IRX2: variants seen among roughly 807,000 people sequenced by gnomAD.
The protein encoded by IRX2 is iroquois homeobox 2, also known as iroquois-class homeodomain protein IRX-2.
A neutral mutation model predicts 42.9 loss-of-function variants in IRX2; 26 were observed. The observed-to-expected ratio is 0.61, with a 90% CI of 0.44 to 0.84. IRX2 has a LOEUF of 0.84. Ranked by LOEUF, IRX2 falls within the 40% of genes least tolerant of loss-of-function variation. The pLI, the probability that IRX2 is intolerant of heterozygous loss-of-function variation, is 0.00. For missense variants in IRX2, 782 were observed against 713.9 expected, an observed-to-expected ratio of 1.10 and a Z score of -1.09; for synonymous variants, 424 against 353.9, an observed-to-expected ratio of 1.20 and a Z score of -2.22.
chr5:2,750,037 C>A (rs1430321618), intron 1 of IRX2, among the ~76,000 whole-genome samples: 1 of 152,184 alleles, frequency 6.6e-6, no homozygotes, highest in Non-Finnish European at 1.5e-5. Context: ...ACCCATCTTC[C>A]CCTAAGTGTT....
chr5:2,744,577 C>A (rs1298077623), downstream of IRX2, among the ~76,000 whole-genome samples: 1 of 152,182 alleles, frequency 6.6e-6, no homozygotes, highest in Non-Finnish European at 1.5e-5. Flanking sequence ...CAAATATACT[C>A]AATCCCCCTT....
Position 2,749,257 on chromosome 5 carries a change from T to C in IRX2, c.655+125A>G. The C allele has an allele frequency of 2.1e-6, 3 of 1,443,318 alleles. No homozygotes were observed. The Admixed American group carries it at 7.5e-5, about 36-fold the overall frequency. The allele number at this position is 1,443,318 out of a possible 1,614,324, so 89.4% of individuals were successfully genotyped here. A position where few individuals can be genotyped will look rare whatever the true frequency, so the allele number is the denominator to read the frequency against. ...AAATCCCGGCGACCCCAGGGCAATG[T>C]GGTGCGGCTGGGGCTCCGGCCCGGA... On this transcript the variant is annotated intron_variant, in intron 2 of 3. Coordinates refer to ENST00000302057, the MANE Select transcript of IRX2 (RefSeq NM_033267.5).
chr5:2,739,962 T>A, the IRX2 span, among the ~76,000 whole-genome samples: 2 of 148,626 alleles, frequency 1.3e-5, no homozygotes, highest in Non-Finnish European at 3.0e-5. Flanking sequence ...GAGCTGGGGG[T>A]GCCAGGAGCG....
chr5:2,743,905 C>G (rs1445877619), downstream of IRX2, among the ~76,000 whole-genome samples: 1 of 152,142 alleles, frequency 6.6e-6, no homozygotes, highest in African/African-American at 2.4e-5. Flanking sequence ...AAATCAAGTT[C>G]TCTAGAAGGA....
At chr5:2,744,815 G>T (rs184475398), downstream of IRX2, among the ~76,000 whole-genome samples, 255 of 152,272 alleles carry the variant, frequency 1.7e-3, no homozygotes, top group African/African-American at 5.6e-3. Flanking sequence ...AAATACATAA[G>T]AAATAACAGA....
At position 2,748,459 on chromosome 5, in the gene IRX2, G is replaced by C; in HGVS notation, c.1249C>G (p.Pro417Ala). The change falls in exon 3 of 4, where the codon CCC (proline) becomes GCC (alanine). Residue 417 changes from proline to alanine, a missense_variant. Coordinates refer to ENST00000302057, the MANE Select transcript of IRX2 (RefSeq NM_033267.5). ...GGCGCGGTGTGCAGGGCCTCGCCGGGGGCCGCGGCCGCAGAGTTGTACCGC... is the reference window on the plus strand; with the variant it reads ...GGCGCGGTGTGCAGGGCCTCGCCGGCGGCCGCGGCCGCAGAGTTGTACCGC... ...LLRYNSAAAA[P>A]GEALHTAPKA... The C allele has an allele frequency of 6.4e-7, 1 of 1,570,142 alleles. No homozygotes were observed. Among genetic ancestry groups the C allele is most frequent in the Non-Finnish European group, 8.6e-7 (1 of 1,161,934 alleles).
At chr5:2,740,911 G>A (rs1295321019), downstream of IRX2, among the ~76,000 whole-genome samples, 1 of 152,098 alleles carries the variant, frequency 6.6e-6, no homozygotes, top group African/African-American at 2.4e-5. Context: ...CGAGCTTACT[G>A]AGCACCCGGC....
At position 2,751,351 on chromosome 5, in the gene IRX2, CG is replaced by C; in HGVS notation, c.62del (p.Pro21ArgfsTer74). 1 of 1,438,610 alleles carries C rather than the reference CG, an allele frequency of 7.0e-7. No individual in the cohort carries two copies. The allele number at this position is 1,438,610 out of a possible 1,614,324, so 89.1% of individuals were successfully genotyped here. A position where few individuals can be genotyped will look rare whatever the true frequency, so the allele number is the denominator to read the frequency against. On this transcript the variant is annotated frameshift_variant, in exon 1 of 4. Transcript: ENST00000302057. LOFTEE classifies it high-confidence loss of function. This position sits in a 1 kb window ranked among gnomAD's most constrained non-coding sequence, Gnocchi z 4.0. The part of the protein sequence containing the change: ...APGSLALYSC[P>X]AYGASALAAP... ...CCGCCAAAGCCGACGCGCCGTAGGCCGGGCACGAGTAGAGCGCCAGCGAGCC... is the reference window on the plus strand; with the variant it reads ...CCGCCAAAGCCGACGCGCCGTAGGCCGGCACGAGTAGAGCGCCAGCGAGCC...
At chr5:2,738,358 G>A in the IRX2 span, among the ~76,000 whole-genome samples, 1 of 152,206 alleles carries the variant, frequency 6.6e-6, no homozygotes, top group Admixed American at 6.5e-5. Context: ...TTGAGGAGTT[G>A]AGTATTACAT....
At chr5:2,744,508 G>C (rs979993496), downstream of IRX2, among the ~76,000 whole-genome samples, 14 of 152,078 alleles carry the variant, frequency 9.2e-5, no homozygotes, top group Non-Finnish European at 2.9e-5. Context: ...TTCCTGAAGG[G>C]GAAAATCATT....
rs541842586 is a variant in IRX2 at position 2,751,053 on chromosome 5, G to T, written c.249+112C>A. 1.7e-4 allele frequency: 200 copies of T among 1,149,114 alleles called. 2 individuals are homozygous for T. The Middle Eastern group carries it at 7.4e-3, about 42-fold the overall frequency. The allele number at this position is 1,149,114 out of a possible 1,614,324, so 71.2% of individuals were successfully genotyped here. On this transcript the variant is annotated intron_variant, in intron 1 of 3. Coordinates refer to ENST00000302057, the MANE Select transcript of IRX2 (RefSeq NM_033267.5). The surrounding 1 kb of genome is among the most constrained non-coding windows in gnomAD (Gnocchi z 4.0). Reference sequence around the variant, plus strand: ...CGAGCCGGCGACTCCTGAGTCGCCAGCCGCGCCACATTCCCGGCGGCCCCC... The same window carrying T: ...CGAGCCGGCGACTCCTGAGTCGCCATCCGCGCCACATTCCCGGCGGCCCCC...
Position 2,749,289 on chromosome 5 carries a change from G to A in IRX2, c.655+93C>T, listed in dbSNP as rs1445598234. On this transcript the variant is annotated intron_variant, in intron 2 of 3. Coordinates refer to ENST00000302057, the MANE Select transcript of IRX2 (RefSeq NM_033267.5). Reference sequence around the variant, plus strand: ...GCTGGGGCTCCGGCCCGGACCTGGGGTGTCCGGCGGGCAACGTCCTCCCCG... The same window carrying A: ...GCTGGGGCTCCGGCCCGGACCTGGGATGTCCGGCGGGCAACGTCCTCCCCG... 6 of 1,496,516 alleles carry A rather than the reference G, an allele frequency of 4.0e-6. No homozygotes were observed. In the East Asian group the frequency reaches 1.2e-4, roughly 29 times the overall value. The allele number at this position is 1,496,516 out of a possible 1,614,324, so 92.7% of individuals were successfully genotyped here.
the IRX2 span, among the ~76,000 whole-genome samples, chr5:2,736,081 C>T: frequency 3.9e-5 from 6 of 152,192 alleles, no homozygotes; most frequent in Non-Finnish European, 8.8e-5. Context: ...TATCAGCCCA[C>T]GCCATGGGTT....
chr5:2,749,658 CCGTGGCGTCCCG>C lies in IRX2; in HGVS notation c.367_378del (p.Arg123_Thr126del), dbSNP rs1375648232. ...TCGTTGAGCCAGGCCTTGAGAGTGG[CCGTGGCGTCCCG>C]CGTGGCGTTCTTGCGGTACGCGGGG... On this transcript the variant is annotated inframe_deletion, in exon 2 of 4. Transcript: ENST00000302057. The C allele has an allele frequency of 6.2e-7, 1 of 1,614,182 alleles. No individual in the cohort carries two copies. The highest frequency in any genetic ancestry group is 8.5e-7 in the Non-Finnish European group (1 of 1,180,010).
chr5:2,750,241 G>T (rs1737890300), intron 1 of IRX2, among the ~76,000 whole-genome samples: 2 of 152,064 alleles, frequency 1.3e-5, no homozygotes, highest in African/African-American at 4.8e-5. Flanking sequence ...TCTAAAGCTG[G>T]GCAAATCCAA....
chr5:2,749,107 G>GC, intron 2 of IRX2, 55 bp from the exon 3 acceptor site: 1 of 1,558,804 alleles, frequency 6.4e-7, no homozygotes, highest in South Asian at 1.1e-5. Context: ...GGCACCTGGA[G>GC]CCCCCTCCGC....
chr5:2,746,422 T>C lies in IRX2; in HGVS notation c.*1142A>G, dbSNP rs188069001. ...TTCTTCCATCACGTTTTATTTCTAC[T>C]GTGTACATCTTTTACAAATAAACTT... is the stretch of plus-strand genomic sequence containing the variant. On this transcript the variant is annotated 3_prime_UTR_variant, in exon 4 of 4. Transcript: ENST00000302057. The C allele has an allele frequency of 2.0e-5, 3 of 152,370 alleles. No homozygotes were observed. 9.4% of individuals were successfully genotyped at this position (152,370 alleles called of 1,614,324 possible).
At chr5:2,736,496 AT>A in the IRX2 span, among the ~76,000 whole-genome samples, 17 of 152,278 alleles carry the variant, frequency 1.1e-4, no homozygotes, top group African/African-American at 3.8e-4. Flanking sequence ...TAGAAGAAAA[AT>A]TTTTTTGGAA....
chr5:2,748,340 C>T lies in IRX2; in HGVS notation c.1363+5G>A. On this transcript the variant is annotated splice_donor_5th_base_variant and intron_variant, in intron 3 of 3. Coordinates refer to ENST00000302057, the MANE Select transcript of IRX2 (RefSeq NM_033267.5). ...CCCGGGCGCCGCCGGCCGCGGGCCG[C>T]CTACCTTTCTTGGGCTCGTAGCCGC... is the stretch of plus-strand genomic sequence containing the variant. 2.1e-6 allele frequency: 3 copies of T among 1,418,836 alleles called. No individual in the cohort carries two copies. Among genetic ancestry groups the T allele is most frequent in the Non-Finnish European group, 2.7e-6 (3 of 1,096,710 alleles). 87.9% of individuals were successfully genotyped at this position (1,418,836 alleles called of 1,614,324 possible).
Sources: gnomAD v4.1 joint callset for allele counts (sites outside exome capture counted in the v4.1 genomes callset) on GRCh38, gnomAD v4.1.1 for gene constraint, Gnocchi (gnomAD v3.1) non-coding constraint, MANE v1.5 for transcripts, NCBI Gene and HGNC (gene_info 2026-07-23, HGNC 2026-07-21) for gene names.